Variants in DTNBP1 observed in about 807,000 individuals in gnomAD.
DTNBP1 encodes dysbindin.
DTNBP1 carries 35 observed loss-of-function variants against 42.8 expected under a neutral mutation model. That is an observed-to-expected ratio of 0.82 (90% CI 0.63 to 1.09). The LOEUF (loss-of-function observed/expected upper bound fraction) is 1.09, where lower values mean the gene tolerates loss of function less well. DTNBP1 is among the 50% of genes least tolerant of loss of function. The probability of loss-of-function intolerance (pLI) is 0.00; values close to 1 mark genes in which losing one functional copy is unlikely to be tolerated. For missense variants in DTNBP1, 457 were observed against 424.2 expected, an observed-to-expected ratio of 1.08 and a Z score of -0.68; for synonymous variants, 171 against 162.2, an observed-to-expected ratio of 1.05 and a Z score of -0.41.
At chr6:15,647,826 A>G (rs1760772935) in intron 3 of DTNBP1, among the ~76,000 whole-genome samples, 1 of 151,972 alleles carries the variant, frequency 6.6e-6, no homozygotes, top group Non-Finnish European at 1.5e-5. Flanking sequence ...ATTCTACCAA[A>G]CATTTAAAAA....
chr6:15,643,687 T>G (rs1760511709), intron 3 of DTNBP1, among the ~76,000 whole-genome samples: 1 of 152,152 alleles, frequency 6.6e-6, no homozygotes, highest in African/African-American at 2.4e-5. Flanking sequence ...CCTGTTCATC[T>G]AAGCTTCATA....
intron 6 of DTNBP1, among the ~76,000 whole-genome samples, chr6:15,613,739 C>A (rs1218179397): frequency 2.6e-5 from 4 of 152,096 alleles, no homozygotes; most frequent in Non-Finnish European, 4.4e-5. Context: ...ACAGAAAGCA[C>A]CTCTGGAAAA....
chr6:15,650,652 C>T (rs951353269), intron 3 of DTNBP1, among the ~76,000 whole-genome samples: 7 of 152,088 alleles, frequency 4.6e-5, no homozygotes, highest in African/African-American at 1.7e-4. Flanking sequence ...GCTTATCGGT[C>T]GTTTGCATAT....
At position 15,522,875 on chromosome 6, in the gene DTNBP1, AAATC is replaced by A. The variant is rs1771993975; in HGVS notation, c.*96_*99del. ...TCACACATTATTGGCAATTATGTAA[AAATC>A]AAGAACCTCTATAAAACAACCTGGC... On this transcript the variant is annotated 3_prime_UTR_variant, in exon 10 of 10. Coordinates refer to ENST00000344537, the MANE Select transcript of DTNBP1 (RefSeq NM_032122.5). 1 of 1,601,464 alleles carries A rather than the reference AAATC, an allele frequency of 6.2e-7. No homozygotes were observed. The highest frequency in any genetic ancestry group is 1.3e-5 in the African/African-American group (1 of 74,640).
intron 3 of DTNBP1, among the ~76,000 whole-genome samples, chr6:15,638,475 A>G (rs944395069): frequency 5.9e-5 from 9 of 152,176 alleles, no homozygotes; most frequent in Non-Finnish European, 2.9e-5. Context: ...GGTAAACACA[A>G]TAGTAATAAT....
intron 3 of DTNBP1, among the ~76,000 whole-genome samples, chr6:15,650,159 A>G (rs1310339057): frequency 1.3e-5 from 2 of 152,248 alleles, no homozygotes; most frequent in Non-Finnish European, 2.9e-5. Context: ...ACAAATACAG[A>G]TAAGGAAAAG....
intron 6 of DTNBP1, among the ~76,000 whole-genome samples, chr6:15,602,227 T>C (rs1776758804): frequency 6.6e-6 from 1 of 152,188 alleles, no homozygotes; most frequent in African/African-American, 2.4e-5. Context: ...ACCTGCTTCT[T>C]AGCCATAGAA....
At chr6:15,594,884 A>G (rs945202735) in intron 6 of DTNBP1, among the ~76,000 whole-genome samples, 3 of 152,170 alleles carry the variant, frequency 2.0e-5, no homozygotes, top group Admixed American at 1.3e-4. Context: ...ACTCAGAATA[A>G]TGATTTCACA....
chr6:15,645,996 T>C (rs1049608381), intron 3 of DTNBP1, among the ~76,000 whole-genome samples: 2 of 151,886 alleles, frequency 1.3e-5, no homozygotes, highest in East Asian at 3.9e-4. Flanking sequence ...TGAAGACAAA[T>C]TAATTATCTC....
At chr6:15,526,229 G>A (rs1349783128) in intron 8 of DTNBP1, among the ~76,000 whole-genome samples, 1 of 152,190 alleles carries the variant, frequency 6.6e-6, no homozygotes, top group Non-Finnish European at 1.5e-5. Context: ...GTGAAGGAAG[G>A]GCTGAGTGCA....
chr6:15,571,764 T>C (rs1775349313), intron 7 of DTNBP1, among the ~76,000 whole-genome samples: 1 of 152,158 alleles, frequency 6.6e-6, no homozygotes, highest in South Asian at 2.1e-4. Context: ...AGACACTTGG[T>C]CTTAATCTTT....
intron 3 of DTNBP1, among the ~76,000 whole-genome samples, chr6:15,643,121 T>C (rs535822695): frequency 1.2e-3 from 184 of 152,264 alleles, no homozygotes; most frequent in Non-Finnish European, 2.1e-3. Flanking sequence ...GAGAAACAAA[T>C]AGAACTGCTT....
chr6:15,662,924 G>T lies in DTNBP1; in HGVS notation c.-55C>A, dbSNP rs554525656. On this transcript the variant is annotated 5_prime_UTR_variant, in exon 1 of 10. Coordinates refer to ENST00000344537, the MANE Select transcript of DTNBP1 (RefSeq NM_032122.5). ...GCCTCGGGCTGCTGCTGCCTCTGTC[G>T]CCCCCTGGGTCCCACGCCGCCAACC... 199 of 1,596,672 alleles carry T rather than the reference G, an allele frequency of 1.2e-4. 2 individuals are homozygous for T. In the South Asian group the frequency reaches 2.1e-3, roughly 17 times the overall value.
intron 1 of DTNBP1, chr6:15,660,308 T>G (rs1761530300): frequency 7.9e-7 from 1 of 1,259,940 alleles, no homozygotes; most frequent in Non-Finnish European, 1.0e-6. Flanking sequence ...AATAATCAGT[T>G]ATGTAAAGGA....
chr6:15,554,972 C>G (rs997008879), intron 7 of DTNBP1, among the ~76,000 whole-genome samples: 2 of 151,716 alleles, frequency 1.3e-5, no homozygotes, highest in Non-Finnish European at 2.9e-5. Context: ...GCGGTGGAGT[C>G]TTTTGAAAGG....
intron 7 of DTNBP1, among the ~76,000 whole-genome samples, chr6:15,550,473 A>G (rs1476585076): frequency 6.6e-6 from 1 of 152,246 alleles, no homozygotes; most frequent in Non-Finnish European, 1.5e-5. Context: ...CCAAAGCTCA[A>G]CATGCTTTTG....
intron 7 of DTNBP1, among the ~76,000 whole-genome samples, chr6:15,542,929 A>C (rs1035193951): frequency 2.0e-5 from 3 of 151,952 alleles, no homozygotes; most frequent in Non-Finnish European, 4.4e-5. Flanking sequence ...TGAACTCCTG[A>C]CCTCAGGTGA....
chr6:15,524,810 G>T (rs779971685), intron 8 of DTNBP1, 141 bp from the exon 9 acceptor site: 16 of 1,291,756 alleles, frequency 1.2e-5, no homozygotes, highest in Non-Finnish European at 1.7e-5. Flanking sequence ...ATTAGTAGAT[G>T]ACATATGCCA....
chr6:15,563,232 A>AC (rs1429911141), intron 7 of DTNBP1, among the ~76,000 whole-genome samples: 1 of 152,220 alleles, frequency 6.6e-6, no homozygotes, highest in Non-Finnish European at 1.5e-5. Context: ...ATAAAGTGAA[A>AC]CCCAACCTAT....
Sources: gnomAD v4.1 joint callset for allele counts (sites outside exome capture counted in the v4.1 genomes callset) on GRCh38, gnomAD v4.1.1 for gene constraint, MANE v1.5 for transcripts, NCBI Gene and HGNC (gene_info 2026-07-23, HGNC 2026-07-21) for gene names.